Variants in IARS1 observed in about 807,000 individuals in gnomAD.
IARS1 encodes the protein isoleucine--tRNA ligase, cytoplasmic.
IARS1 carries 124 observed loss-of-function variants against 168.2 expected under a neutral mutation model. The ratio of observed to expected loss-of-function variants is 0.74; its 90% CI spans 0.64 to 0.86. IARS1 has a LOEUF of 0.86. IARS1 is among the 40% of genes least tolerant of loss of function. The probability of loss-of-function intolerance (pLI) is 0.00; values close to 1 mark genes in which losing one functional copy is unlikely to be tolerated. For synonymous variants in IARS1, 532 were observed against 529.4 expected, an observed-to-expected ratio of 1.00 and a Z score of -0.07; for missense variants, 1,452 against 1,515.8, an observed-to-expected ratio of 0.96 and a Z score of 0.70.
chr9:92,242,255 T>C lies in IARS1; in HGVS notation c.3076A>G (p.Ile1026Val), dbSNP rs1828538697. The C allele has an allele frequency of 5.0e-6, 8 of 1,613,662 alleles. No homozygotes were observed. The South Asian group carries it at 8.8e-5, about 18-fold the overall frequency. ...KSEGTYLNSV[I>V]ESHTEFIFTT... ...AATATGAACTCTGTGTGGCTTTCAA[T>C]AACACTATTCAGATATGTTCCTTCA... Residue 1026 changes from isoleucine to valine, a missense_variant, in exon 29 of 34, where the codon ATT becomes GTT. By Grantham distance (29) the Ile-to-Val change is conservative. Transcript: ENST00000443024.
chr9:92,214,785 T>G (rs1341427114), intron 33 of IARS1, among the ~76,000 whole-genome samples: 3 of 152,194 alleles, frequency 2.0e-5, no homozygotes, highest in Non-Finnish European at 4.4e-5. Context: ...CCACGGAGTC[T>G]CGCTGATTGC....
chr9:92,257,883 A>T (rs527484093), intron 19 of IARS1, among the ~76,000 whole-genome samples: 104 of 152,302 alleles, frequency 6.8e-4, no homozygotes, highest in African/African-American at 2.4e-3. Flanking sequence ...TTGAAAGCCC[A>T]TACAGGAACA....
intron 26 of IARS1, among the ~76,000 whole-genome samples, chr9:92,245,558 G>A (rs1829059422): frequency 6.6e-6 from 1 of 152,190 alleles, no homozygotes; most frequent in Non-Finnish European, 1.5e-5. Context: ...AGGGGAGGCA[G>A]AAATGTGAAC....
intron 25 of IARS1, 46 bp from the exon 26 acceptor site, chr9:92,247,597 T>A (rs765891498): frequency 6.4e-7 from 1 of 1,557,084 alleles, no homozygotes; most frequent in Non-Finnish European, 8.8e-7. Context: ...AATGAAAACA[T>A]ATGTTCACAC....
chr9:92,261,345 G>A (rs1349704339), intron 17 of IARS1, among the ~76,000 whole-genome samples: 1 of 152,016 alleles, frequency 6.6e-6, no homozygotes, highest in African/African-American at 2.4e-5. Flanking sequence ...CCCCAAGTTA[G>A]TTACTGTATA....
intron 30 of IARS1, among the ~76,000 whole-genome samples, chr9:92,231,507 G>C (rs906453951): frequency 6.7e-6 from 1 of 149,956 alleles, no homozygotes; most frequent in Non-Finnish European, 1.5e-5. Context: ...TCCACTTCCC[G>C]GGTTCAAGTG....
chr9:92,262,155 C>T (rs1002163250), intron 17 of IARS1, among the ~76,000 whole-genome samples: 1 of 152,070 alleles, frequency 6.6e-6, no homozygotes, highest in African/African-American at 2.4e-5. Flanking sequence ...GCTGTGTGTC[C>T]TTTGGCAAGT....
chr9:92,238,437 C>A (rs1201202980), intron 30 of IARS1, among the ~76,000 whole-genome samples: 3 of 152,164 alleles, frequency 2.0e-5, no homozygotes, highest in Non-Finnish European at 4.4e-5. Flanking sequence ...TTAAAAGAGC[C>A]TGGCTTCTAT....
chr9:92,274,277 CA>C (rs1833491326), intron 10 of IARS1, 148 bp downstream of exon 10: 1 of 590,692 alleles, frequency 1.7e-6, no homozygotes. Context: ...AAGGGAATTG[CA>C]GATGCAAATT....
chr9:92,239,879 CTAGAG>C (rs1828113003), intron 30 of IARS1, among the ~76,000 whole-genome samples: 1 of 152,120 alleles, frequency 6.6e-6, no homozygotes, highest in South Asian at 2.1e-4. Flanking sequence ...TGGTGTCTGG[CTAGAG>C]TAGAGCAGTT....
chr9:92,291,227 C>G (rs180816361), intron 1 of IARS1, among the ~76,000 whole-genome samples: 71 of 152,038 alleles, frequency 4.7e-4, no homozygotes, highest in Admixed American at 1.1e-3. Context: ...AGTATCAGAT[C>G]AGAAGGGGAT....
rs186377921 is a variant in IARS1, at chr9:92,222,976, G to A, written c.3554-304C>T. Reference sequence around the variant, plus strand: ...CTTCAGTACAAATGTGCACAATGAGGATCCTAAAATATCAGGAAAAAAATC... The same window carrying A: ...CTTCAGTACAAATGTGCACAATGAGAATCCTAAAATATCAGGAAAAAAATC... On this transcript the variant is annotated intron_variant, in intron 32 of 33. Coordinates refer to ENST00000443024, the MANE Select transcript of IARS1 (RefSeq NM_002161.6). 6.0e-4 allele frequency among the ~76,000 whole-genome samples: 92 copies of A among 152,278 alleles called. 1 individual carries two copies. Among genetic ancestry groups the A allele is most frequent in the Non-Finnish European group, 9.6e-4 (65 of 68,020 alleles).
chr9:92,215,866 G>A (rs1344156427), intron 33 of IARS1, among the ~76,000 whole-genome samples: 1 of 152,122 alleles, frequency 6.6e-6, no homozygotes, highest in East Asian at 1.9e-4. Context: ...TTATCCAGGA[G>A]AACTTCCCCT....
chr9:92,260,077 T>C (rs1276949708), intron 18 of IARS1, 74 bp downstream of exon 18: 1 of 968,422 alleles, frequency 1.0e-6, no homozygotes, highest in Non-Finnish European at 1.6e-6. Flanking sequence ...AATCTAAGAA[T>C]ACTGATTAAT....
intron 33 of IARS1, among the ~76,000 whole-genome samples, chr9:92,219,277 T>C (rs557462964): frequency 2.0e-5 from 3 of 152,202 alleles, no homozygotes; most frequent in African/African-American, 7.2e-5. Context: ...TCAAGATGGA[T>C]TAAAGACTTA....
intron 2 of IARS1, 71 bp downstream of exon 2, chr9:92,289,230 A>T: frequency 1.2e-5 from 7 of 562,908 alleles, no homozygotes; most frequent in Non-Finnish European, 1.3e-5. Context: ...AAAAAAAAGT[A>T]TCTGCTTTAA....
chr9:92,256,983 CAATT>C (rs562161786), intron 19 of IARS1, among the ~76,000 whole-genome samples, 183 bp from the exon 20 acceptor site: 187 of 152,158 alleles, frequency 1.2e-3, no homozygotes, highest in Non-Finnish European at 2.2e-3. Flanking sequence ...ATTAAGTCCT[CAATT>C]AATTTATTAT....
intron 30 of IARS1, among the ~76,000 whole-genome samples, chr9:92,238,229 C>G (rs1174749526): frequency 3.3e-5 from 5 of 152,076 alleles, no homozygotes. Context: ...TCTCTCCTAG[C>G]TTCTTGTGGG....
chr9:92,281,994 A>G (rs1288078739), intron 6 of IARS1, among the ~76,000 whole-genome samples: 3 of 152,116 alleles, frequency 2.0e-5, no homozygotes, highest in Admixed American at 1.3e-4. Flanking sequence ...CTTGTTAACT[A>G]TAAAGGACAC....
Sources: gnomAD v4.1 joint callset for allele counts (sites outside exome capture counted in the v4.1 genomes callset) on GRCh38, gnomAD v4.1.1 for gene constraint, MANE v1.5 for transcripts, NCBI Gene and HGNC (gene_info 2026-07-23, HGNC 2026-07-21) for gene names.